Variants in EML1 observed in about 807,000 individuals in gnomAD.
The protein encoded by EML1 is echinoderm microtubule-associated protein-like 1.
Under a neutral mutation model 110.4 loss-of-function variants are expected in EML1, and 27 were observed. That is an observed-to-expected ratio of 0.24 (90% CI 0.18 to 0.34). The LOEUF is 0.34. EML1 is among the 10% of genes least tolerant of loss of function. The pLI is 1.00. For missense variants in EML1, 741 were observed against 1,030.9 expected, an observed-to-expected ratio of 0.72 and a Z score of 3.85; for synonymous variants, 344 against 385.8, an observed-to-expected ratio of 0.89 and a Z score of 1.27.
In EML1 at chr14:99,914,704, A is replaced by G. The variant is rs1362130748; in HGVS notation, c.1752+7A>G. On this transcript the variant is annotated splice_region_variant and intron_variant, in intron 15 of 21. Transcript: ENST00000262233. ...CTGGGACAAAATAATAGAGGTAAACATGCACATTACATTTCCATTTTTCTT... is the reference window on the plus strand; with the variant it reads ...CTGGGACAAAATAATAGAGGTAAACGTGCACATTACATTTCCATTTTTCTT... The G allele has an allele frequency of 1.9e-6, 3 of 1,597,686 alleles. No homozygotes were observed. Among genetic ancestry groups the G allele is most frequent in the East Asian group, 2.2e-5 (1 of 44,786 alleles).
At position 99,938,724 on chromosome 14, in the gene EML1, A is replaced by G. The variant is rs545860632; in HGVS notation, c.2192-473A>G. Among the ~76,000 whole-genome samples, 243 of 152,382 alleles carry G rather than the reference A, an allele frequency of 1.6e-3. 2 individuals are homozygous for G. The highest frequency in any genetic ancestry group is 4.8e-3 in the African/African-American group (200 of 41,592). ...AGGCTGCCCCAAGCAAGCAACAGCC[A>G]CAGTGAGTGACCCCAAGAAACATGC... On this transcript the variant is annotated intron_variant, in intron 20 of 21. Transcript: ENST00000262233.
At position 99,939,912 on chromosome 14, in the gene EML1, G is replaced by A; in HGVS notation, c.2323-75G>A. ...GTAAAGGAATTAAGGCATGCAGTGAGAATTCAAGCACTTTCCCATCCCAGA... is the reference window on the plus strand; with the variant it reads ...GTAAAGGAATTAAGGCATGCAGTGAAAATTCAAGCACTTTCCCATCCCAGA... On this transcript the variant is annotated intron_variant, in intron 21 of 21. Coordinates refer to ENST00000262233, the MANE Select transcript of EML1 (RefSeq NM_004434.3). The surrounding 1 kb of genome is among the most constrained non-coding windows in gnomAD (Gnocchi z 4.2). 1 of 1,457,288 alleles carries A rather than the reference G, an allele frequency of 6.9e-7. No individual in the cohort carries two copies. Among genetic ancestry groups the A allele is most frequent in the Non-Finnish European group, 9.1e-7 (1 of 1,099,248 alleles). The allele number at this position is 1,457,288 out of a possible 1,614,324, so 90.3% of individuals were successfully genotyped here.
intron 1 of EML1, among the ~76,000 whole-genome samples, chr14:99,763,292 G>T (rs2057334070): frequency 1.3e-5 from 2 of 152,196 alleles, no homozygotes; most frequent in Admixed American, 1.3e-4. Context: ...CAGTGTGTCT[G>T]ATGTATGTTC....
chr14:99,774,726 A>G (rs11627801), intron 1 of EML1, among the ~76,000 whole-genome samples: 17,793 of 152,210 alleles, frequency 0.12, 1,313 homozygotes, highest in East Asian at 0.37. Flanking sequence ...AGTGCCCTGC[A>G]GTTCTAGGGG....
intron 15 of EML1, among the ~76,000 whole-genome samples, chr14:99,917,093 C>T (rs2060046550): frequency 6.6e-6 from 1 of 152,152 alleles, no homozygotes; most frequent in South Asian, 2.1e-4. Context: ...GAGTTGGGTG[C>T]CGTGGTTGTC....
At chr14:99,933,065 C>T (rs1235410810) in intron 17 of EML1, among the ~76,000 whole-genome samples, 1 of 152,186 alleles carries the variant, frequency 6.6e-6, no homozygotes, top group African/African-American at 2.4e-5. Flanking sequence ...TGGGATTGTA[C>T]TACTGCACTT....
At chr14:99,772,020 GT>G (rs2140203540), upstream of EML1, among the ~76,000 whole-genome samples, 1 of 152,348 alleles carries the variant, frequency 6.6e-6, no homozygotes, top group Non-Finnish European at 1.5e-5. Flanking sequence ...GGATTGGTAT[GT>G]GTCGATTGAC....
intron 1 of EML1, among the ~76,000 whole-genome samples, chr14:99,846,385 C>T (rs143414968): frequency 0.033 from 4,961 of 150,246 alleles, 281 homozygotes; most frequent in African/African-American, 0.12. Context: ...CAGGTTCAAG[C>T]GATTCTCCTG....
In EML1 at chr14:99,914,586, G is replaced by C; in HGVS notation, c.1641G>C (p.Trp547Cys). Residue 547 changes from tryptophan to cysteine, a missense_variant, in exon 15 of 22, where the codon TGG becomes TGC. Transcript: ENST00000262233. ...PITQGHTDEL[W>C]GLAIHASKSQ... Reference sequence around the variant, plus strand: ...TGTAGGGTCACACTGATGAGCTCTGGGGACTGGCCATCCATGCCTCAAAAT... The same window carrying C: ...TGTAGGGTCACACTGATGAGCTCTGCGGACTGGCCATCCATGCCTCAAAAT... 6.2e-7 allele frequency: 1 copy of C among 1,607,796 alleles called. No homozygotes were observed. The highest frequency in any genetic ancestry group is 1.1e-5 in the South Asian group (1 of 89,532).
intron 3 of EML1, among the ~76,000 whole-genome samples, chr14:99,872,057 C>T (rs1056714290): frequency 8.5e-5 from 13 of 152,192 alleles, no homozygotes; most frequent in African/African-American, 3.1e-4. Flanking sequence ...TTTTATGCCC[C>T]ATCCTGTCTG....
chr14:99,899,969 C>T (rs867642000), intron 8 of EML1, among the ~76,000 whole-genome samples: 19 of 152,064 alleles, frequency 1.2e-4, no homozygotes, highest in Non-Finnish European at 2.5e-4. Flanking sequence ...GTTCACCTAA[C>T]GCCTGCCTAG....
rs376981141 is a variant in EML1 at position 99,874,972 on chromosome 14, A to C, written c.384-3513A>C. On this transcript the variant is annotated intron_variant, in intron 3 of 21. Coordinates refer to ENST00000262233, the MANE Select transcript of EML1 (RefSeq NM_004434.3). Reference sequence around the variant, plus strand: ...AGTCTTCTCAATGCTTGCAAACTGAATAGATCGACACCAAGGTGAGGGGAA... The same window carrying C: ...AGTCTTCTCAATGCTTGCAAACTGACTAGATCGACACCAAGGTGAGGGGAA... The C allele has an allele frequency of 4.3e-6, 7 of 1,613,752 alleles. No individual in the cohort carries two copies. The highest frequency in any genetic ancestry group is 5.9e-6 in the Non-Finnish European group (7 of 1,179,824).
Position 99,837,949 on chromosome 14 carries a change from AC to A in EML1, c.68-12902del, listed in dbSNP as rs545454526. ...CAAGTAGCTGGGACTACAGGCATGA[AC>A]CATCATGCCTGGCTAATTTTTTAAA... is the stretch of plus-strand genomic sequence containing the variant. On this transcript the variant is annotated intron_variant, in intron 1 of 21. Transcript: ENST00000262233. Among the ~76,000 whole-genome samples, 80 of 152,204 alleles carry A rather than the reference AC, an allele frequency of 5.3e-4. 1 individual carries two copies. In the South Asian group the frequency reaches 0.016, roughly 30 times the overall value.
intron 1 of EML1, among the ~76,000 whole-genome samples, chr14:99,751,528 C>CAA (rs2057175291): frequency 6.6e-6 from 1 of 152,048 alleles, no homozygotes; most frequent in Non-Finnish European, 1.5e-5. Context: ...AAGATAAATA[C>CAA]AAAGCCCATA....
chr14:99,806,376 C>T lies in EML1; in HGVS notation c.67+12833C>T, dbSNP rs138742364. Among the ~76,000 whole-genome samples, 856 of 135,428 alleles carry T rather than the reference C, an allele frequency of 6.3e-3. 6 individuals are homozygous for T. The highest frequency in any genetic ancestry group is 0.023 in the African/African-American group (815 of 35,458). 88.8% of individuals were successfully genotyped at this position (135,428 alleles called of 152,430 possible). ...TGTTGCCCAGGCTGGAGTGCAGTGG[C>T]GTTAATCTCGGCTCACCGCAACCTC... is the stretch of plus-strand genomic sequence containing the variant. On this transcript the variant is annotated intron_variant, in intron 1 of 21. Coordinates refer to ENST00000262233, the MANE Select transcript of EML1 (RefSeq NM_004434.3).
In EML1 at chr14:99,793,516, A is replaced by C; in HGVS notation, c.40A>C (p.Thr14Pro). 5 of 1,042,918 alleles carry C rather than the reference A, an allele frequency of 4.8e-6. No individual in the cohort carries two copies. The highest frequency in any genetic ancestry group is 5.8e-6 in the Non-Finnish European group (5 of 862,930). 64.6% of individuals were successfully genotyped at this position (1,042,918 alleles called of 1,614,324 possible). ...GFSSYSSLYD[T>P]SSLLQFCNDD... is the part of the protein sequence containing the mutation. ...CTCCAGCTACAGCAGCCTGTACGAC[A>C]CGTCCTCGCTGCTCCAGTTCTGCAA... is the stretch of plus-strand genomic sequence containing the variant. Residue 14 changes from threonine (T) to proline (P), a missense_variant, in exon 1 of 22, where the codon ACG becomes CCG. This residue lies in a region of EML1 where 226 missense variants were observed against 255.6 expected (regional missense o/e 0.88). Transcript: ENST00000262233.
chr14:99,821,166 G>C (rs1196350189), intron 1 of EML1, among the ~76,000 whole-genome samples: 1 of 152,010 alleles, frequency 6.6e-6, no homozygotes, highest in African/African-American at 2.4e-5. Context: ...AGGACCGTAG[G>C]CATGTGCCAC....
intron 17 of EML1, among the ~76,000 whole-genome samples, chr14:99,923,607 T>C (rs7158654): frequency 0.11 from 13,421 of 117,280 alleles, 1,242 homozygotes; most frequent in African/African-American, 0.34. Flanking sequence ...CGATCAGAAA[T>C]GTAAAGGTTT....
At chr14:99,785,433 G>T (rs894186378) in intron 1 of EML1, among the ~76,000 whole-genome samples, 1 of 152,344 alleles carries the variant, frequency 6.6e-6, no homozygotes, top group South Asian at 2.1e-4. Context: ...ATTGCCAAGA[G>T]CCTAAGAAAG....
Sources: allele counts gnomAD v4.1 joint callset (sites outside exome capture counted in the v4.1 genomes callset), GRCh38; gene constraint gnomAD v4.1.1; regional missense constraint gnomAD v4.1.1; non-coding constraint Gnocchi (gnomAD v3.1); transcripts MANE v1.5; gene names NCBI Gene and HGNC (gene_info 2026-07-23, HGNC 2026-07-21).